CD36: variants seen among roughly 807,000 people sequenced by gnomAD.
CD36 encodes platelet glycoprotein 4.
CD36 carries 119 observed loss-of-function variants against 55.2 expected under a neutral mutation model. That is an observed-to-expected ratio of 2.15 (90% CI 1.86 to 2.51). The LOEUF (loss-of-function observed/expected upper bound fraction) is 2.51. Among genes scored for constraint, CD36 ranks in the 30% most tolerant of loss-of-function variants. The pLI, the probability that CD36 is intolerant of heterozygous loss-of-function variation, is 0.00. For missense variants in CD36, 819 were observed against 555.5 expected, an observed-to-expected ratio of 1.47 and a Z score of -4.77; for synonymous variants, 186 against 193.6, an observed-to-expected ratio of 0.96 and a Z score of 0.33.
chr7:80,666,903 A>G (rs1158787051), intron 8 of CD36, among the ~76,000 whole-genome samples: 1 of 152,372 alleles, frequency 6.6e-6, no homozygotes, highest in South Asian at 2.1e-4. Flanking sequence ...AGCAAGGCTT[A>G]TAGCTGAGAT....
chr7:80,646,669 A>G lies in CD36; in HGVS notation c.-72A>G, dbSNP rs2116401294. 6.3e-7 allele frequency: 1 copy of G among 1,582,376 alleles called. No individual in the cohort carries two copies. The highest frequency in any genetic ancestry group is 2.2e-5 in the East Asian group (1 of 44,602). ...AATGATAGAACCAGAGCTTGTAGAA[A>G]CCACTTTAATCATATCCAGGAGTTT... On this transcript the variant is annotated 5_prime_UTR_variant, in exon 3 of 15. Transcript: ENST00000447544.
At position 80,671,182 on chromosome 7, in the gene CD36, G is replaced by A. The variant is rs1163912034; in HGVS notation, c.1006+18G>A. ...CAAAGAAGGTGAGTAAATAACCTCA[G>A]TAGCACAGTCCATACCATAATTTGT... is the stretch of plus-strand genomic sequence containing the variant. On this transcript the variant is annotated intron_variant, in intron 10 of 14. Coordinates refer to ENST00000447544, the MANE Select transcript of CD36 (RefSeq NM_001001548.3). 6.6e-7 allele frequency: 1 copy of A among 1,513,726 alleles called. No individual in the cohort carries two copies. Among genetic ancestry groups the A allele is most frequent in the Admixed American group, 1.7e-5 (1 of 59,870 alleles). The allele number at this position is 1,513,726 out of a possible 1,614,324, so 93.8% of individuals were successfully genotyped here.
chr7:80,616,266 T>C (rs2115837154), intron 1 of CD36, among the ~76,000 whole-genome samples: 1 of 152,304 alleles, frequency 6.6e-6, no homozygotes, highest in Non-Finnish European at 1.5e-5. Flanking sequence ...GGCAAAATCA[T>C]CTAATACAGA....
chr7:80,647,175 T>C lies in CD36; in HGVS notation c.120+315T>C, dbSNP rs3211808. ...TCCAAAGAGCATGTTGGCATGCTTT[T>C]GAGTAGGAAATAAGTGAGTATATTT... On this transcript the variant is annotated intron_variant, in intron 3 of 14. Coordinates refer to ENST00000447544, the MANE Select transcript of CD36 (RefSeq NM_001001548.3). The C allele has an allele frequency of 8.9e-3, 2,965 of 332,870 alleles. 83 individuals are homozygous for C. Among genetic ancestry groups the C allele is most frequent in the African/African-American group, 0.057 (2,689 of 47,038 alleles). The allele number at this position is 332,870 out of a possible 1,614,324, so 20.6% of individuals were successfully genotyped here.
At chr7:80,608,909 T>C (rs1792716247) in intron 1 of CD36, among the ~76,000 whole-genome samples, 1 of 151,874 alleles carries the variant, frequency 6.6e-6, no homozygotes, top group Admixed American at 6.6e-5. Flanking sequence ...TTTCCCACAT[T>C]TCCCACCCCC....
At position 80,672,184 on chromosome 7, in the gene CD36, G is replaced by A. The variant is rs1527483; in HGVS notation, c.1125+144G>A. On this transcript the variant is annotated intron_variant, in intron 11 of 14. Coordinates refer to ENST00000447544, the MANE Select transcript of CD36 (RefSeq NM_001001548.3). ...CTTGAAAGTTACTGAAACTTAGGTCGATTTCTTCCTATGGTTTATGAAGTG... is the reference window on the plus strand; with the variant it reads ...CTTGAAAGTTACTGAAACTTAGGTCAATTTCTTCCTATGGTTTATGAAGTG... 0.08 allele frequency: 53,797 copies of A among 668,342 alleles called. 2,846 individuals carry two copies. Among genetic ancestry groups the A allele is most frequent in the East Asian group, 0.23 (7,922 of 34,242 alleles). 41.4% of individuals were successfully genotyped at this position (668,342 alleles called of 1,614,324 possible).
intron 1 of CD36, among the ~76,000 whole-genome samples, chr7:80,632,367 TA>T (rs1328551361): frequency 2.6e-5 from 4 of 151,962 alleles, no homozygotes; most frequent in African/African-American, 9.7e-5. Flanking sequence ...CCACAAGCTT[TA>T]AAAAAATGTA....
At chr7:80,605,773 C>T (rs1208036600) in intron 1 of CD36, among the ~76,000 whole-genome samples, 1 of 152,112 alleles carries the variant, frequency 6.6e-6, no homozygotes, top group East Asian at 1.9e-4. Context: ...ATCTTGGTCT[C>T]CTGGGAAGAC....
chr7:80,662,113 C>T (rs935262644), intron 5 of CD36, among the ~76,000 whole-genome samples: 1 of 152,174 alleles, frequency 6.6e-6, no homozygotes, highest in South Asian at 2.1e-4. Context: ...TATATGAAGG[C>T]TCTGCATTAG....
At chr7:80,629,772 G>T (rs907766858) in intron 1 of CD36, among the ~76,000 whole-genome samples, 9 of 151,924 alleles carry the variant, frequency 5.9e-5, no homozygotes, top group African/African-American at 9.7e-5. Flanking sequence ...TGTAGAAATA[G>T]AAGCAAATCC....
intron 1 of CD36, among the ~76,000 whole-genome samples, chr7:80,612,339 T>G (rs1162269962): frequency 6.6e-6 from 1 of 152,212 alleles, no homozygotes; most frequent in African/African-American, 2.4e-5. Context: ...CACAAATTGT[T>G]TGGGGGCATT....
In CD36 at chr7:80,646,795, C is replaced by T. The variant is rs143724791; in HGVS notation, c.55C>T (p.Leu19=). Residue 19 remains leucine, a synonymous_variant, in exon 3 of 15, where the codon CTG becomes TTG. Transcript: ENST00000447544. The part of the protein sequence containing the change: ...LIAGAVIGAV[L]AVFGGILMPV... The stretch of plus-strand genomic sequence containing the variant: ...CGCTGGGGCTGTCATTGGTGCTGTC[C>T]TGGCTGTGTTTGGAGGTATTCTAAT... 5.5e-5 allele frequency: 89 copies of T among 1,613,862 alleles called. No individual in the cohort carries two copies. In the African/African-American group the frequency reaches 6.8e-4, roughly 12 times the overall value.
At chr7:80,605,996 C>T (rs1225677686) in intron 1 of CD36, among the ~76,000 whole-genome samples, 1 of 152,146 alleles carries the variant, frequency 6.6e-6, no homozygotes, top group East Asian at 1.9e-4. Context: ...TGGAGCTATT[C>T]CATTTGTAAC....
intron 3 of CD36, among the ~76,000 whole-genome samples, chr7:80,650,683 T>G (rs1393908887): frequency 6.6e-6 from 1 of 152,132 alleles, no homozygotes; most frequent in Non-Finnish European, 1.5e-5. Context: ...GAAAATCATT[T>G]CATATTTAGT....
intron 7 of CD36, chr7:80,665,768 C>G (rs1370059137): frequency 1.3e-5 from 2 of 152,100 alleles, no homozygotes; most frequent in African/African-American, 2.4e-5. Flanking sequence ...ATGTCACTGT[C>G]AGGAGTGGAA....
At chr7:80,628,444 G>A (rs1305734648) in intron 1 of CD36, among the ~76,000 whole-genome samples, 1 of 151,952 alleles carries the variant, frequency 6.6e-6, no homozygotes, top group Non-Finnish European at 1.5e-5. Flanking sequence ...ACAGTCACAT[G>A]GTATATGTGC....
Position 80,674,027 on chromosome 7 carries a change from A to G in CD36, c.1299A>G (p.Gln433=), listed in dbSNP as rs1301814089. 6.2e-7 allele frequency: 1 copy of G among 1,612,460 alleles called. No individual in the cohort carries two copies. The highest frequency in any genetic ancestry group is 1.7e-5 in the Admixed American group (1 of 59,900). The change falls in exon 14 of 15, where the codon CAA becomes CAG. Residue 433 remains glutamine (Q), a synonymous_variant. Coordinates refer to ENST00000447544, the MANE Select transcript of CD36 (RefSeq NM_001001548.3). The part of the protein sequence containing the change: ...GDEKANMFRS[Q]VTGKINLLGL... ...AGAAGGCAAACATGTTCAGAAGTCAAGTAACTGGAAAAATAAACCTCCTTG... is the reference window on the plus strand; with the variant it reads ...AGAAGGCAAACATGTTCAGAAGTCAGGTAACTGGAAAAATAAACCTCCTTG...
intron 1 of CD36, among the ~76,000 whole-genome samples, chr7:80,622,986 G>C (rs1181635388): frequency 7.0e-6 from 1 of 142,132 alleles, no homozygotes; most frequent in Non-Finnish European, 1.5e-5. Flanking sequence ...CTAAACTTTA[G>C]ACAACAGTCC....
At chr7:80,648,844 G>A (rs567152041) in intron 3 of CD36, among the ~76,000 whole-genome samples, 2 of 152,084 alleles carry the variant, frequency 1.3e-5, no homozygotes, top group East Asian at 3.9e-4. Context: ...CCATATTAAA[G>A]GACTGATTGA....
Sources: gnomAD v4.1 joint callset for allele counts (sites outside exome capture counted in the v4.1 genomes callset) on GRCh38, gnomAD v4.1.1 for gene constraint, MANE v1.5 for transcripts, NCBI Gene and HGNC (gene_info 2026-07-23, HGNC 2026-07-21) for gene names.